Variants in MACROD2 observed in about 807,000 individuals in gnomAD.
The protein encoded by MACROD2 is ADP-ribose glycohydrolase MACROD2.
A neutral mutation model predicts 70.4 loss-of-function variants in MACROD2; 36 were observed. That is an observed-to-expected ratio of 0.51 (90% CI 0.39 to 0.68). The LOEUF (loss-of-function observed/expected upper bound fraction) is 0.68, where lower values mean the gene tolerates loss of function less well. Ranked by LOEUF, MACROD2 falls within the 30% of genes least tolerant of loss-of-function variation. The pLI, the probability that MACROD2 is intolerant of heterozygous loss-of-function variation, is 0.00. For synonymous variants in MACROD2, 172 were observed against 178.8 expected, an observed-to-expected ratio of 0.96 and a Z score of 0.30; for missense variants, 496 against 538.4, an observed-to-expected ratio of 0.92 and a Z score of 0.78.
intron 3 of MACROD2, among the ~76,000 whole-genome samples, chr20:14,153,585 A>G (rs1345632186): frequency 6.6e-6 from 1 of 152,246 alleles, no homozygotes; most frequent in African/African-American, 2.4e-5. Context: ...TGATCCTCAA[A>G]GGAAACAATA....
At chr20:14,650,315 C>T (rs555869772) in intron 4 of MACROD2, among the ~76,000 whole-genome samples, 2 of 152,314 alleles carry the variant, frequency 1.3e-5, no homozygotes, top group African/African-American at 4.8e-5. Context: ...CCAGTTCTTA[C>T]ACAGTTGGCT....
intron 5 of MACROD2, among the ~76,000 whole-genome samples, chr20:15,015,821 T>G (rs1025020963): frequency 6.6e-6 from 1 of 152,218 alleles, no homozygotes; most frequent in Non-Finnish European, 1.5e-5. Flanking sequence ...TAGAAAAACA[T>G]GTGCTTTAGC....
At chr20:15,179,145 G>A (rs1486119152) in intron 5 of MACROD2, among the ~76,000 whole-genome samples, 1 of 152,182 alleles carries the variant, frequency 6.6e-6, no homozygotes, top group East Asian at 1.9e-4. Flanking sequence ...GTATTGACTG[G>A]TAGGTGGCAT....
rs149504892 is a variant in MACROD2 at position 14,310,938 on chromosome 20, C to T, written c.272-182541C>T. On this transcript the variant is annotated intron_variant, in intron 3 of 17. Transcript: ENST00000684519. ...GAAATATTTTTGTGCCGCTGTACAA[C>T]GCGTTTGTGTTTAAGCTAAGTGTTA... Among the ~76,000 whole-genome samples the T allele has an allele frequency of 5.0e-3, 761 of 152,014 alleles. 3 individuals carry two copies. The highest frequency in any genetic ancestry group is 0.017 in the African/African-American group (708 of 41,454).
chr20:15,739,479 A>C (rs994634185), intron 8 of MACROD2, among the ~76,000 whole-genome samples: 1 of 152,184 alleles, frequency 6.6e-6, no homozygotes, highest in Non-Finnish European at 1.5e-5. Context: ...AGATGCAAAA[A>C]ATGAGCCAGC....
chr20:15,636,690 A>G (rs1423840572), intron 8 of MACROD2, among the ~76,000 whole-genome samples: 1 of 152,084 alleles, frequency 6.6e-6, no homozygotes, highest in Admixed American at 6.6e-5. Flanking sequence ...AAAGTGCTCT[A>G]TTATTTCTGT....
At chr20:14,584,521 G>A (rs1470735908) in intron 4 of MACROD2, among the ~76,000 whole-genome samples, 5 of 151,968 alleles carry the variant, frequency 3.3e-5, no homozygotes, top group African/African-American at 4.8e-5. Flanking sequence ...TTCTTGCATG[G>A]CAGAGAGAAA....
intron 6 of MACROD2, among the ~76,000 whole-genome samples, chr20:15,409,757 T>G (rs2046052088): frequency 6.6e-6 from 1 of 152,196 alleles, no homozygotes; most frequent in African/African-American, 2.4e-5. Context: ...ACATCTAGAA[T>G]TGTCCCTCTT....
intron 5 of MACROD2, among the ~76,000 whole-genome samples, chr20:14,804,456 C>T (rs1310007897): frequency 6.6e-6 from 1 of 152,016 alleles, no homozygotes; most frequent in Non-Finnish European, 1.5e-5. Context: ...AAGGTCACTC[C>T]ATGCAACCTG....
At chr20:15,596,495 G>A (rs1299575995) in intron 8 of MACROD2, among the ~76,000 whole-genome samples, 4 of 152,208 alleles carry the variant, frequency 2.6e-5, no homozygotes, top group Non-Finnish European at 5.9e-5. Context: ...TGATTAAAAT[G>A]TGCTGGATTT....
At chr20:14,216,923 T>A (rs142021782) in intron 3 of MACROD2, among the ~76,000 whole-genome samples, 40 of 152,132 alleles carry the variant, frequency 2.6e-4, no homozygotes, top group Non-Finnish European at 1.2e-4. Flanking sequence ...GTCCTTAGGG[T>A]TTTCAAGGTA....
intron 4 of MACROD2, among the ~76,000 whole-genome samples, chr20:14,545,347 T>C (rs891040071): frequency 6.6e-6 from 1 of 152,158 alleles, no homozygotes; most frequent in African/African-American, 2.4e-5. Flanking sequence ...CTGAACTCAC[T>C]TCCTAAAGCT....
At chr20:14,513,634 A>G (rs2085054646) in intron 4 of MACROD2, among the ~76,000 whole-genome samples, 1 of 152,130 alleles carries the variant, frequency 6.6e-6, no homozygotes, top group Non-Finnish European at 1.5e-5. Flanking sequence ...GAAATTGCAT[A>G]TAAATACTTG....
intron 3 of MACROD2, among the ~76,000 whole-genome samples, chr20:14,405,835 G>A (rs533774642): frequency 1.3e-5 from 2 of 152,126 alleles, no homozygotes; most frequent in Non-Finnish European, 2.9e-5. Context: ...GTGCAAAAAA[G>A]TAATAATTGT....
chr20:15,646,904 G>A lies in MACROD2; in HGVS notation c.645+147057G>A, dbSNP rs375717979. On this transcript the variant is annotated intron_variant, in intron 8 of 17. Transcript: ENST00000684519. ...GTGTCAGGCAGTTCTTTACAGTAGC[G>A]TGAAAACGGACTAATACACACAGCA... Among the ~76,000 whole-genome samples, 48 of 152,272 alleles carry A rather than the reference G, an allele frequency of 3.2e-4. 1 individual carries two copies. The highest frequency in any genetic ancestry group is 1.1e-3 in the African/African-American group (44 of 41,552).
intron 5 of MACROD2, among the ~76,000 whole-genome samples, chr20:15,206,168 T>C (rs560339033): frequency 9.2e-5 from 14 of 152,326 alleles, no homozygotes; most frequent in African/African-American, 3.4e-4. Context: ...CTACGTGGTT[T>C]AGGTATAAAT....
intron 4 of MACROD2, among the ~76,000 whole-genome samples, chr20:14,552,960 A>G (rs565118753): frequency 1.3e-5 from 2 of 152,116 alleles, no homozygotes; most frequent in Non-Finnish European, 2.9e-5. Flanking sequence ...CAGTGAACTT[A>G]GGCTACGTTA....
At chr20:15,858,878 G>T (rs1431832041) in intron 8 of MACROD2, among the ~76,000 whole-genome samples, 1 of 152,120 alleles carries the variant, frequency 6.6e-6, no homozygotes, top group Non-Finnish European at 1.5e-5. Context: ...AGATTCAAGA[G>T]GTGGAATTAC....
intron 3 of MACROD2, among the ~76,000 whole-genome samples, chr20:14,186,302 G>A (rs1199452493): frequency 6.6e-6 from 1 of 152,052 alleles, no homozygotes; most frequent in African/African-American, 2.4e-5. Flanking sequence ...GTTAAGGAAT[G>A]TGGTACTTCT....
Sources: allele counts gnomAD v4.1 joint callset (sites outside exome capture counted in the v4.1 genomes callset), GRCh38; gene constraint gnomAD v4.1.1; transcripts MANE v1.5; gene names NCBI Gene and HGNC (gene_info 2026-07-23, HGNC 2026-07-21).